CSMD1: variants seen among roughly 807,000 people sequenced by gnomAD.
The protein encoded by CSMD1 is CUB and sushi domain-containing protein 1.
In CSMD1, 213 loss-of-function variants were observed where a neutral mutation model predicts 417.5. The ratio of observed to expected loss-of-function variants is 0.51; its 90% CI spans 0.46 to 0.57. The LOEUF (loss-of-function observed/expected upper bound fraction) is 0.57, where lower values mean the gene tolerates loss of function less well. Ranked by LOEUF, CSMD1 falls within the 20% of genes least tolerant of loss-of-function variation. The pLI, the probability that CSMD1 is intolerant of heterozygous loss-of-function variation, is 0.00. For synonymous variants in CSMD1, 2,862 were observed against 1,736.8 expected (o/e 1.65, Z -16.11); for missense variants, 6,923 against 4,529.7 (o/e 1.53, Z -15.17).
intron 1 of CSMD1, among the ~76,000 whole-genome samples, chr8:4,746,697 C>A (rs1213942772): frequency 6.6e-6 from 1 of 152,160 alleles, no homozygotes; most frequent in Non-Finnish European, 1.5e-5. Context: ...AGCACATACT[C>A]TGAGCTGCTG....
chr8:3,993,722 C>T (rs1563295168), intron 5 of CSMD1, among the ~76,000 whole-genome samples: 1 of 152,128 alleles, frequency 6.6e-6, no homozygotes, highest in Admixed American at 6.5e-5. Flanking sequence ...CATAAGGCAG[C>T]CCTAATCCAA....
At chr8:4,451,787 T>C (rs893297084) in intron 2 of CSMD1, among the ~76,000 whole-genome samples, 1 of 151,996 alleles carries the variant, frequency 6.6e-6, no homozygotes, top group African/African-American at 2.4e-5. Context: ...TTGAGCAGGA[T>C]CCACAATGCC....
chr8:3,229,641 T>C (rs2116902733), intron 27 of CSMD1, among the ~76,000 whole-genome samples: 1 of 152,258 alleles, frequency 6.6e-6, no homozygotes, highest in Middle Eastern at 3.4e-3. Flanking sequence ...GGGAAAAACA[T>C]CTAAAAAGAG....
intron 5 of CSMD1, among the ~76,000 whole-genome samples, chr8:3,759,971 G>T (rs554096568): frequency 1.3e-5 from 2 of 150,478 alleles, no homozygotes; most frequent in Non-Finnish European, 3.0e-5. Flanking sequence ...ATGTCTTCCC[G>T]CATTAATTCA....
intron 2 of CSMD1, among the ~76,000 whole-genome samples, chr8:4,510,216 G>A (rs553753618): frequency 1.0e-3 from 153 of 151,946 alleles, no homozygotes; most frequent in South Asian, 2.1e-3. Flanking sequence ...GGTCTCTCCA[G>A]CCATGTGGAA....
chr8:3,315,200 G>T (rs1293253923), intron 23 of CSMD1, among the ~76,000 whole-genome samples: 1 of 152,034 alleles, frequency 6.6e-6, no homozygotes, highest in Non-Finnish European at 1.5e-5. Context: ...TTCCTTCAGT[G>T]TAAAGAACTG....
intron 3 of CSMD1, among the ~76,000 whole-genome samples, chr8:4,193,804 G>C (rs1405961252): frequency 6.6e-6 from 1 of 152,028 alleles, no homozygotes; most frequent in East Asian, 1.9e-4. Flanking sequence ...GGATGCTATG[G>C]CGAGAAGAGC....
chr8:4,848,534 A>T (rs1481820837), intron 1 of CSMD1, among the ~76,000 whole-genome samples: 1 of 151,854 alleles, frequency 6.6e-6, no homozygotes, highest in Non-Finnish European at 1.5e-5. Context: ...GATGTATAGT[A>T]CATAATGCTT....
intron 3 of CSMD1, among the ~76,000 whole-genome samples, chr8:4,068,262 C>G (rs1228043984): frequency 6.6e-6 from 1 of 152,020 alleles, no homozygotes; most frequent in Non-Finnish European, 1.5e-5. Context: ...GGTTGCCCTC[C>G]TCGGAGAGTT....
intron 3 of CSMD1, among the ~76,000 whole-genome samples, chr8:4,347,255 C>T (rs546891644): frequency 5.9e-5 from 9 of 152,194 alleles, no homozygotes; most frequent in African/African-American, 1.4e-4. Context: ...CAGACATCCA[C>T]GATTTGGGGT....
rs370661552 is a variant in CSMD1 at position 4,295,154 on chromosome 8, G to A, written c.415+124799C>T. ...TAAGATTATATAATCTTAAGATTAC[G>A]CACATATAATCTTAAGATTATATAA... On this transcript the variant is annotated intron_variant, in intron 3 of 69. Transcript: ENST00000635120. 1.1e-4 allele frequency among the ~76,000 whole-genome samples: 15 copies of A among 138,430 alleles called. 2 individuals are homozygous for A. Among genetic ancestry groups the A allele is most frequent in the South Asian group, 9.4e-4 (4 of 4,270 alleles). The allele number at this position is 138,430 out of a possible 152,430, so 90.8% of individuals were successfully genotyped here.
At chr8:4,263,625 G>A (rs1804036916) in intron 3 of CSMD1, among the ~76,000 whole-genome samples, 1 of 152,078 alleles carries the variant, frequency 6.6e-6, no homozygotes, top group South Asian at 2.1e-4. Context: ...TTGTCAAATA[G>A]GAAACCATAT....
At chr8:3,032,138 T>C (rs759856880) in intron 50 of CSMD1, among the ~76,000 whole-genome samples, 11 of 152,076 alleles carry the variant, frequency 7.2e-5, no homozygotes, top group Non-Finnish European at 1.5e-4. Context: ...AATATTAATA[T>C]TAAAGTCCAT....
intron 2 of CSMD1, among the ~76,000 whole-genome samples, chr8:4,513,270 T>C (rs1802927033): frequency 6.6e-6 from 1 of 152,142 alleles, no homozygotes; most frequent in African/African-American, 2.4e-5. Flanking sequence ...TATAAATTTT[T>C]TTTAACCTTC....
At chr8:3,460,840 G>A (rs1275019304) in intron 12 of CSMD1, among the ~76,000 whole-genome samples, 2 of 152,196 alleles carry the variant, frequency 1.3e-5, no homozygotes, top group African/African-American at 2.4e-5. Context: ...ATGCTGTGAT[G>A]TGAGTCCCAG....
intron 64 of CSMD1, 105 bp downstream of exon 64, chr8:2,955,484 C>CCTT (rs1802932584): frequency 9.1e-7 from 1 of 1,100,162 alleles, no homozygotes; most frequent in Admixed American, 2.3e-5. Flanking sequence ...GCTGCAGCCT[C>CCTT]ATGCTCTTAC....
chr8:4,571,299 G>T (rs747221760), intron 2 of CSMD1, among the ~76,000 whole-genome samples: 3 of 152,106 alleles, frequency 2.0e-5, no homozygotes, highest in Admixed American at 6.6e-5. Context: ...TTTTCCCTCA[G>T]AACACTGCTT....
intron 1 of CSMD1, among the ~76,000 whole-genome samples, chr8:4,693,669 A>G (rs1806923964): frequency 6.6e-6 from 1 of 152,020 alleles, no homozygotes; most frequent in Non-Finnish European, 1.5e-5. Context: ...CATTTTCTCA[A>G]AACTTATTCT....
chr8:4,004,848 C>A (rs1193485920), intron 4 of CSMD1, among the ~76,000 whole-genome samples: 1 of 152,026 alleles, frequency 6.6e-6, no homozygotes, highest in Non-Finnish European at 1.5e-5. Flanking sequence ...GGGTTCACGC[C>A]ATTCTCCTGC....
Sources: gnomAD v4.1 joint callset for allele counts (sites outside exome capture counted in the v4.1 genomes callset) on GRCh38, gnomAD v4.1.1 for gene constraint, MANE v1.5 for transcripts, NCBI Gene and HGNC (gene_info 2026-07-23, HGNC 2026-07-21) for gene names.